The following EYS variants were observed in gnomAD, a reference collection of about 807,000 sequenced individuals.
EYS encodes protein eyes shut homolog.
EYS carries 250 observed loss-of-function variants against 282.1 expected under a neutral mutation model. The observed-to-expected ratio is 0.89, with a 90% CI of 0.80 to 0.98. The LOEUF (loss-of-function observed/expected upper bound fraction) is 0.98, where lower values mean the gene tolerates loss of function less well. EYS is among the 50% of genes least tolerant of loss of function. The pLI is 0.00. For missense variants in EYS, 4,016 were observed against 3,709.0 expected, an observed-to-expected ratio of 1.08 and a Z score of -2.15; for synonymous variants, 1,355 against 1,282.9, an observed-to-expected ratio of 1.06 and a Z score of -1.20.
At chr6:65,385,722 TACTCTGCTATTCCATAGATGAAG>T (rs1383870062) in intron 7 of EYS, among the ~76,000 whole-genome samples, 2 of 152,018 alleles carry the variant, frequency 1.3e-5, no homozygotes, top group African/African-American at 2.4e-5. Context: ...TGCATTATTT[TACTCTGCTATTCCATAGATGAAG>T]ACCTTTATGT....
chr6:65,213,521 TTC>T (rs1430089521), intron 12 of EYS, among the ~76,000 whole-genome samples: 1 of 152,182 alleles, frequency 6.6e-6, no homozygotes, highest in African/African-American at 2.4e-5. Flanking sequence ...GGCTGGGCAA[TTC>T]TCACAATATT....
At chr6:65,448,899 T>C (rs2150400180) in intron 5 of EYS, among the ~76,000 whole-genome samples, 1 of 152,234 alleles carries the variant, frequency 6.6e-6, no homozygotes, top group South Asian at 2.1e-4. Flanking sequence ...TCACAATGTA[T>C]GATTCTTTTC....
chr6:64,039,395 C>T (rs1477510564), intron 33 of EYS, among the ~76,000 whole-genome samples: 6 of 152,136 alleles, frequency 3.9e-5, no homozygotes, highest in African/African-American at 4.8e-5. Context: ...CAAGGGAATA[C>T]ATGTTAAAAA....
intron 30 of EYS, among the ~76,000 whole-genome samples, chr6:64,246,926 G>T (rs2150346389): frequency 6.6e-6 from 1 of 152,142 alleles, no homozygotes; most frequent in African/African-American, 2.4e-5. Context: ...CTTTATTTTT[G>T]ACTAATGCTA....
At chr6:64,487,576 GA>G (rs1776613378) in intron 26 of EYS, among the ~76,000 whole-genome samples, 1 of 150,778 alleles carries the variant, frequency 6.6e-6, no homozygotes, top group Non-Finnish European at 1.5e-5. Context: ...AGAACTAAAA[GA>G]AGATAAAAAG....
chr6:65,029,537 C>T (rs562745275), intron 13 of EYS, among the ~76,000 whole-genome samples: 1 of 152,000 alleles, frequency 6.6e-6, no homozygotes, highest in African/African-American at 2.4e-5. Context: ...ATGGAGTGTG[C>T]CTGCCTCTCC....
intron 19 of EYS, among the ~76,000 whole-genome samples, chr6:64,877,034 G>T (rs2150057502): frequency 6.6e-6 from 1 of 152,230 alleles, no homozygotes; most frequent in African/African-American, 2.4e-5. Context: ...GACAAATTAA[G>T]ATGTCATATT....
chr6:64,142,252 T>C (rs1774361667), intron 31 of EYS, among the ~76,000 whole-genome samples: 1 of 151,966 alleles, frequency 6.6e-6, no homozygotes, highest in South Asian at 2.1e-4. Context: ...TATAGTGAAG[T>C]ATAATAAATA....
chr6:65,001,149 C>T (rs1047553094), intron 13 of EYS, among the ~76,000 whole-genome samples: 3 of 119,072 alleles, frequency 2.5e-5, no homozygotes, highest in African/African-American at 7.7e-5. Flanking sequence ...AAGGGTTAAC[C>T]AGCTGAATGG....
intron 11 of EYS, among the ~76,000 whole-genome samples, chr6:65,312,201 T>TATTA (rs1389737012): frequency 1.3e-5 from 2 of 151,192 alleles, no homozygotes; most frequent in Non-Finnish European, 2.9e-5. Flanking sequence ...GTGCCTTTAA[T>TATTA]ATGTTTCCTT....
chr6:64,395,949 G>A (rs1582699209), intron 28 of EYS, among the ~76,000 whole-genome samples: 1 of 151,824 alleles, frequency 6.6e-6, no homozygotes, highest in African/African-American at 2.4e-5. Flanking sequence ...AGAGGGTAAA[G>A]GATAAAGCTC....
At position 64,062,647 on chromosome 6, in the gene EYS, C is replaced by T. The variant is rs536667223; in HGVS notation, c.6725+3691G>A. On this transcript the variant is annotated intron_variant, in intron 33 of 42. Coordinates refer to ENST00000503581, the MANE Select transcript of EYS (RefSeq NM_001142800.2). ...TGGAGGTTGCAGTGAGCCGAGATCG[C>T]ACCATTGCACTCCAACCTGGGGGAC... Among the ~76,000 whole-genome samples, 3 of 146,642 alleles carry T rather than the reference C, an allele frequency of 2.0e-5. No homozygotes were observed. The Admixed American group carries it at 2.1e-4, about 10-fold the overall frequency.
At chr6:64,913,512 G>C (rs565155872) in intron 15 of EYS, among the ~76,000 whole-genome samples, 1 of 152,036 alleles carries the variant, frequency 6.6e-6, no homozygotes, top group East Asian at 1.9e-4. Flanking sequence ...TATGATATTA[G>C]ATTTTCTGTT....
At chr6:64,660,702 G>A (rs972379550) in intron 22 of EYS, among the ~76,000 whole-genome samples, 2 of 152,134 alleles carry the variant, frequency 1.3e-5, no homozygotes, top group Admixed American at 1.3e-4. Context: ...ACCTCTTCAA[G>A]GAGAACTACA....
chr6:64,101,445 G>A (rs1454204786), intron 31 of EYS, among the ~76,000 whole-genome samples: 3 of 152,048 alleles, frequency 2.0e-5, no homozygotes, highest in African/African-American at 7.2e-5. Context: ...TCTTATTCAT[G>A]TATATTCATG....
At chr6:64,831,538 G>C (rs768175551) in intron 19 of EYS, among the ~76,000 whole-genome samples, 7 of 151,734 alleles carry the variant, frequency 4.6e-5, no homozygotes, top group Non-Finnish European at 1.0e-4. Context: ...TTAGAGGTTT[G>C]GAAAAGGACA....
At chr6:63,760,227 C>G (rs1316685308) in intron 41 of EYS, among the ~76,000 whole-genome samples, 1 of 151,846 alleles carries the variant, frequency 6.6e-6, no homozygotes, top group Non-Finnish European at 1.5e-5. Context: ...ATGAAAAAAG[C>G]AATTTACCAA....
intron 35 of EYS, among the ~76,000 whole-genome samples, chr6:63,921,850 C>A (rs1764581909): frequency 6.6e-6 from 1 of 152,152 alleles, no homozygotes. Flanking sequence ...TTGTGTCTCA[C>A]AGTTTTGAGA....
intron 22 of EYS, among the ~76,000 whole-genome samples, chr6:64,767,031 G>T (rs1773373524): frequency 6.6e-6 from 1 of 151,574 alleles, no homozygotes. Context: ...GATATCACTG[G>T]GGTTAACCTC....
Sources: gnomAD v4.1 joint callset for allele counts (sites outside exome capture counted in the v4.1 genomes callset) on GRCh38, gnomAD v4.1.1 for gene constraint, MANE v1.5 for transcripts, NCBI Gene and HGNC (gene_info 2026-07-23, HGNC 2026-07-21) for gene names.